Variants in OPCML observed in about 807,000 individuals in gnomAD.
The protein encoded by OPCML is opioid binding protein/cell adhesion molecule like, also known as opioid-binding protein/cell adhesion molecule.
OPCML carries 13 observed loss-of-function variants against 37.8 expected under a neutral mutation model. That is an observed-to-expected ratio of 0.34 (90% CI 0.22 to 0.55). The LOEUF (loss-of-function observed/expected upper bound fraction) is 0.55. Among genes scored for constraint, OPCML ranks in the 20% least tolerant of loss-of-function variants. The probability of loss-of-function intolerance (pLI) is 0.91; values close to 1 mark genes in which losing one functional copy is unlikely to be tolerated. For missense variants in OPCML, 341 were observed against 435.6 expected, an observed-to-expected ratio of 0.78 and a Z score of 1.93; for synonymous variants, 176 against 168.8, an observed-to-expected ratio of 1.04 and a Z score of -0.33.
At chr11:133,422,130 CT>C (rs1310391011) in intron 1 of OPCML, 2 of 984,528 alleles carry the variant, frequency 2.0e-6, no homozygotes, top group African/African-American at 3.5e-5. Flanking sequence ...CCCCCACCCC[CT>C]GGCAGGCCCC....
At chr11:132,708,236 T>C (rs781343648) in intron 2 of OPCML, among the ~76,000 whole-genome samples, 3 of 152,236 alleles carry the variant, frequency 2.0e-5, no homozygotes, top group Non-Finnish European at 2.9e-5. Context: ...TATTGTACAG[T>C]TATGTAACTA....
At chr11:132,607,332 T>C (rs1938365643) in intron 3 of OPCML, among the ~76,000 whole-genome samples, 1 of 152,180 alleles carries the variant, frequency 6.6e-6, no homozygotes, top group Non-Finnish European at 1.5e-5. Flanking sequence ...GTGGGGTCTC[T>C]AGAGATAATC....
intron 1 of OPCML, among the ~76,000 whole-genome samples, chr11:133,269,927 G>A (rs925315598): frequency 1.3e-5 from 2 of 152,180 alleles, no homozygotes; most frequent in African/African-American, 4.8e-5. Flanking sequence ...TCCAAGAGGT[G>A]TGATTTTATA....
chr11:133,409,160 G>A (rs1040455107), intron 1 of OPCML, among the ~76,000 whole-genome samples: 1 of 152,144 alleles, frequency 6.6e-6, no homozygotes, highest in South Asian at 2.1e-4. Flanking sequence ...ACCAACCAAC[G>A]CGTCATGATA....
At chr11:132,949,101 G>C (rs1304716218) in intron 1 of OPCML, among the ~76,000 whole-genome samples, 1 of 152,192 alleles carries the variant, frequency 6.6e-6, no homozygotes, top group Admixed American at 6.5e-5. Context: ...GGGATTTCCA[G>C]GTCAGTATTC....
At chr11:133,054,214 C>A (rs1351789777) in intron 1 of OPCML, among the ~76,000 whole-genome samples, 2 of 152,210 alleles carry the variant, frequency 1.3e-5, no homozygotes, top group African/African-American at 4.8e-5. Context: ...TGTTGGCCCT[C>A]TTATACATTG....
intron 1 of OPCML, chr11:133,004,085 C>A (rs1470721058): frequency 1.0e-6 from 1 of 985,294 alleles, no homozygotes; most frequent in African/African-American, 1.7e-5. Context: ...CAGGGGCTGG[C>A]AGCTGTGTTC....
chr11:133,256,638 G>A (rs1468257599), intron 1 of OPCML, among the ~76,000 whole-genome samples: 1 of 152,118 alleles, frequency 6.6e-6, no homozygotes, highest in Non-Finnish European at 1.5e-5. Flanking sequence ...TTACAATTTA[G>A]TGTAGACTAA....
At chr11:133,193,568 T>G (rs1592091024) in intron 1 of OPCML, among the ~76,000 whole-genome samples, 1 of 152,224 alleles carries the variant, frequency 6.6e-6, no homozygotes, top group African/African-American at 2.4e-5. Context: ...TGGGCACTAT[T>G]TTGGTAATTC....
intron 1 of OPCML, among the ~76,000 whole-genome samples, chr11:133,221,058 C>T (rs373943511): frequency 5.9e-5 from 9 of 152,208 alleles, no homozygotes; most frequent in East Asian, 3.8e-4. Flanking sequence ...GATCCCCAAA[C>T]TATTTTGTAA....
chr11:133,037,980 A>G (rs1490132136), intron 1 of OPCML, among the ~76,000 whole-genome samples: 1 of 152,248 alleles, frequency 6.6e-6, no homozygotes, highest in Non-Finnish European at 1.5e-5. Flanking sequence ...CCTAAGCATC[A>G]AATGAATGCA....
chr11:133,040,106 G>A (rs537375520), intron 1 of OPCML, among the ~76,000 whole-genome samples: 16 of 151,700 alleles, frequency 1.1e-4, no homozygotes, highest in African/African-American at 3.9e-4. Flanking sequence ...AGCAGAACAC[G>A]TCCAGAATTA....
chr11:132,668,247 A>G (rs1331790476), intron 2 of OPCML, among the ~76,000 whole-genome samples: 2 of 152,224 alleles, frequency 1.3e-5, no homozygotes, highest in African/African-American at 4.8e-5. Context: ...CATATTGACA[A>G]TATCAAGAAT....
chr11:133,207,790 G>A (rs754926384), intron 1 of OPCML, among the ~76,000 whole-genome samples: 1 of 152,140 alleles, frequency 6.6e-6, no homozygotes, highest in Non-Finnish European at 1.5e-5. Flanking sequence ...TAGATACATT[G>A]CCGTCACTAT....
intron 1 of OPCML, among the ~76,000 whole-genome samples, chr11:133,386,975 A>G (rs1165990858): frequency 6.6e-6 from 1 of 152,208 alleles, no homozygotes; most frequent in Non-Finnish European, 1.5e-5. Context: ...CAAATGAGAA[A>G]ACAGGCACTA....
At chr11:132,458,078 A>G (rs147507411) in intron 4 of OPCML, among the ~76,000 whole-genome samples, 2 of 152,258 alleles carry the variant, frequency 1.3e-5, no homozygotes, top group African/African-American at 4.8e-5. Context: ...TGTGGGAAAG[A>G]CTATTCTATC....
chr11:132,494,600 G>A lies in OPCML; in HGVS notation c.505+34461C>T, dbSNP rs532757029. On this transcript the variant is annotated intron_variant, in intron 4 of 7. Transcript: ENST00000524381. ...AGGCAAAAATCTCAACAATTATAGT[G>A]TCTTCAGTCATCAGAAGGAAAAAAA... Among the ~76,000 whole-genome samples the A allele has an allele frequency of 2.0e-5, 3 of 152,134 alleles. No individual in the cohort carries two copies. The South Asian group carries it at 6.2e-4, about 32-fold the overall frequency.
intron 1 of OPCML, among the ~76,000 whole-genome samples, chr11:133,183,715 G>A (rs1371371672): frequency 6.6e-6 from 1 of 152,134 alleles, no homozygotes; most frequent in Non-Finnish European, 1.5e-5. Context: ...TACTCAAAAT[G>A]TATTTGGAGA....
intron 2 of OPCML, among the ~76,000 whole-genome samples, chr11:132,820,522 G>A (rs1939919806): frequency 6.6e-6 from 1 of 152,154 alleles, no homozygotes; most frequent in Non-Finnish European, 1.5e-5. Flanking sequence ...GTGTGTGTGT[G>A]TGTATTCTGT....
Sources: gnomAD v4.1 joint callset for allele counts (sites outside exome capture counted in the v4.1 genomes callset) on GRCh38, gnomAD v4.1.1 for gene constraint, MANE v1.5 for transcripts, NCBI Gene and HGNC (gene_info 2026-07-23, HGNC 2026-07-21) for gene names.